Variants in ZNF609 observed in about 807,000 individuals in gnomAD.
ZNF609 encodes zinc finger protein 609.
ZNF609 carries 11 observed loss-of-function variants against 109.5 expected under a neutral mutation model. The ratio of observed to expected loss-of-function variants is 0.10; its 90% CI spans 0.06 to 0.17. The LOEUF is 0.17. Ranked by LOEUF, ZNF609 falls within the 10% of genes least tolerant of loss-of-function variation. ZNF609 has a pLI of 1.00. For synonymous variants in ZNF609, 646 were observed against 662.0 expected (o/e 0.98, Z 0.37); for missense variants, 1,559 against 1,772.4 (o/e 0.88, Z 2.16).
At chr15:64,488,880 C>T (rs992822965) in intron 1 of ZNF609, among the ~76,000 whole-genome samples, 2 of 150,216 alleles carry the variant, frequency 1.3e-5, no homozygotes, top group African/African-American at 2.5e-5. Context: ...TGAGACCAGT[C>T]TGGGTGACAA....
At chr15:64,596,481 G>T (rs145706489) in intron 2 of ZNF609, among the ~76,000 whole-genome samples, 1 of 152,250 alleles carries the variant, frequency 6.6e-6, no homozygotes, top group East Asian at 1.9e-4. Flanking sequence ...TTAGGAGTTT[G>T]CATATGCTGT....
intron 2 of ZNF609, among the ~76,000 whole-genome samples, chr15:64,534,403 C>T (rs1894108684): frequency 6.6e-6 from 1 of 152,040 alleles, no homozygotes; most frequent in South Asian, 2.1e-4. Context: ...CAACCTCCGC[C>T]TCCCGGGTTC....
chr15:64,572,908 A>T (rs1351785198), intron 2 of ZNF609, among the ~76,000 whole-genome samples: 2 of 152,192 alleles, frequency 1.3e-5, no homozygotes, highest in African/African-American at 4.8e-5. Context: ...TCTTGAGAAA[A>T]AAAAGAAAAG....
chr15:64,573,857 T>C (rs539826360), intron 2 of ZNF609, among the ~76,000 whole-genome samples: 1 of 152,226 alleles, frequency 6.6e-6, no homozygotes, highest in South Asian at 2.1e-4. Flanking sequence ...CCAAACACAG[T>C]TGGATGGAGT....
chr15:64,539,132 T>G, intron 2 of ZNF609, among the ~76,000 whole-genome samples: 1 of 151,930 alleles, frequency 6.6e-6, no homozygotes, highest in East Asian at 1.9e-4. Context: ...ACCTCCCAAG[T>G]AGCTGAGACT....
intron 2 of ZNF609, among the ~76,000 whole-genome samples, chr15:64,538,038 G>A (rs1209685176): frequency 2.0e-5 from 3 of 151,960 alleles, no homozygotes; most frequent in African/African-American, 7.3e-5. Context: ...CCTGGGAGGC[G>A]GAAGTTGCGG....
At chr15:64,471,335 TG>T (rs1893087798) in intron 1 of ZNF609, 1 of 151,498 alleles carries the variant, frequency 6.6e-6, no homozygotes. Context: ...TACTCTAGCC[TG>T]GGTGACAGAG....
At chr15:64,602,889 A>ATTTTTTTTTTTTTTTTTTTT (rs10600562) in intron 2 of ZNF609, among the ~76,000 whole-genome samples, 33 of 75,172 alleles carry the variant, frequency 4.4e-4, no homozygotes, top group Non-Finnish European at 5.8e-4. Context: ...CTCTGGGCTA[A>ATTTTTTTTTTTTTTTTTTTT]TTTTTTTTTT....
At chr15:64,490,785 A>C (rs940670322) in intron 1 of ZNF609, among the ~76,000 whole-genome samples, 4 of 152,230 alleles carry the variant, frequency 2.6e-5, no homozygotes, top group African/African-American at 9.6e-5. Flanking sequence ...GTGACAAACA[A>C]CAAGGATCTG....
In ZNF609 at chr15:64,630,102, T is replaced by C. The variant is rs185821473; in HGVS notation, c.973+7050T>C. On this transcript the variant is annotated intron_variant, in intron 3 of 9. Coordinates refer to ENST00000326648, the MANE Select transcript of ZNF609 (RefSeq NM_015042.2). The stretch of plus-strand genomic sequence containing the variant: ...ATCCTCCTAATTTTCTTTTTTCTTT[T>C]TTTTTTTTTTTTTGAGACAAAGTCT... 6.6e-3 allele frequency among the ~76,000 whole-genome samples: 981 copies of C among 149,280 alleles called. 14 individuals are homozygous for C. The highest frequency in any genetic ancestry group is 0.022 in the African/African-American group (910 of 40,600).
At position 64,676,039 on chromosome 15, in the gene ZNF609, C is replaced by T. The variant is rs1896806119; in HGVS notation, c.3185C>T (p.Ser1062Leu). Residue 1062 changes from serine to leucine, a missense_variant, in exon 5 of 10, where the codon TCA (serine) becomes TTA (leucine). Ser to Leu is a moderately radical substitution (Grantham distance 145, BLOSUM62 -2). Transcript: ENST00000326648. ...CCCAGCCTGACAGACCTGGTGAAATCAGGACCTGGCAAGGCCAAGGAGCCA... is the reference window on the plus strand; with the variant it reads ...CCCAGCCTGACAGACCTGGTGAAATTAGGACCTGGCAAGGCCAAGGAGCCA... ...KAPSLTDLVKSGPGKAKEPGA... is the reference protein window; with the variant it reads ...KAPSLTDLVKLGPGKAKEPGA... 2.5e-6 allele frequency: 4 copies of T among 1,614,218 alleles called. No homozygotes were observed. Among genetic ancestry groups the T allele is most frequent in the East Asian group, 2.2e-5 (1 of 44,882 alleles).
chr15:64,612,945 G>A (rs1379773411), intron 2 of ZNF609, among the ~76,000 whole-genome samples: 2 of 152,100 alleles, frequency 1.3e-5, no homozygotes, highest in Non-Finnish European at 1.5e-5. Context: ...AACCCAGGAA[G>A]TGGAGGTTGC....
chr15:64,520,160 CA>C (rs1302056010), intron 2 of ZNF609, among the ~76,000 whole-genome samples: 1 of 152,080 alleles, frequency 6.6e-6, no homozygotes, highest in East Asian at 1.9e-4. Flanking sequence ...TCTGGAGAAG[CA>C]GTACAGGAAG....
intron 3 of ZNF609, among the ~76,000 whole-genome samples, chr15:64,662,356 T>C (rs1277713115): frequency 3.3e-5 from 5 of 152,036 alleles, no homozygotes; most frequent in East Asian, 1.9e-4. Context: ...CTTTTTTTTT[T>C]CCTCTGTGAA....
intron 3 of ZNF609, among the ~76,000 whole-genome samples, chr15:64,640,551 C>G (rs61447058): frequency 6.6e-6 from 1 of 152,322 alleles, no homozygotes; most frequent in African/African-American, 2.4e-5. Context: ...GGAAAAGTGC[C>G]TCGCATAAGC....
chr15:64,609,642 G>A (rs991857673), intron 2 of ZNF609, among the ~76,000 whole-genome samples: 2 of 151,610 alleles, frequency 1.3e-5, no homozygotes, highest in Non-Finnish European at 2.9e-5. Flanking sequence ...AAATATCAAG[G>A]GATATAGCCT....
chr15:64,505,229 C>A (rs1208640051), intron 2 of ZNF609, among the ~76,000 whole-genome samples: 1 of 152,176 alleles, frequency 6.6e-6, no homozygotes, highest in African/African-American at 2.4e-5. Context: ...AGCTTGACTA[C>A]TTATGATATA....
At chr15:64,608,724 CGTGTGTGT>C (rs34519391) in intron 2 of ZNF609, among the ~76,000 whole-genome samples, 3 of 148,356 alleles carry the variant, frequency 2.0e-5, no homozygotes, top group Non-Finnish European at 4.5e-5. Context: ...TGCATGCATG[CGTGTGTGT>C]GTGTGTGTGT....
At chr15:64,550,995 G>T (rs183993187) in intron 2 of ZNF609, among the ~76,000 whole-genome samples, 1 of 152,256 alleles carries the variant, frequency 6.6e-6, no homozygotes, top group East Asian at 1.9e-4. Context: ...TCTTAGTCAA[G>T]AAATCACTGC....
Sources: allele counts gnomAD v4.1 joint callset (sites outside exome capture counted in the v4.1 genomes callset), GRCh38; gene constraint gnomAD v4.1.1; transcripts MANE v1.5; gene names NCBI Gene and HGNC (gene_info 2026-07-23, HGNC 2026-07-21).